Variants in FOXP4 observed in about 807,000 individuals in gnomAD.
FOXP4 encodes the protein forkhead box P4.
In FOXP4, 25 loss-of-function variants were observed where a neutral mutation model predicts 82.6. The observed-to-expected ratio is 0.30, with a 90% CI of 0.22 to 0.42. The LOEUF (loss-of-function observed/expected upper bound fraction) is 0.42. Ranked by LOEUF, FOXP4 falls within the 10% of genes least tolerant of loss-of-function variation. The probability of loss-of-function intolerance (pLI) is 1.00; values close to 1 mark genes in which losing one functional copy is unlikely to be tolerated. For missense variants in FOXP4, 785 were observed against 900.9 expected (o/e 0.87, Z 1.65); for synonymous variants, 415 against 388.2 (o/e 1.07, Z -0.81).
At chr6:41,583,569 G>A (rs778578246) in intron 3 of FOXP4, among the ~76,000 whole-genome samples, 52 of 152,340 alleles carry the variant, frequency 3.4e-4, no homozygotes, top group Admixed American at 1.8e-3. Flanking sequence ...TCAGCTCAGG[G>A]GGGCTAACAC....
intron 3 of FOXP4, among the ~76,000 whole-genome samples, chr6:41,584,227 A>C (rs1159694411): frequency 6.6e-6 from 1 of 152,186 alleles, no homozygotes; most frequent in African/African-American, 2.4e-5. Flanking sequence ...AGAGGAGACA[A>C]AGTGCAGGTC....
chr6:41,588,177 C>CG (rs1309067602), intron 8 of FOXP4, among the ~76,000 whole-genome samples: 1 of 152,232 alleles, frequency 6.6e-6, no homozygotes, highest in Non-Finnish European at 1.5e-5. Context: ...CTCCTCCCCC[C>CG]ACCCTCCCCT....
rs1766617300 is a variant in FOXP4 at position 41,593,231 on chromosome 6, T to C, written c.1537-1639T>C. On this transcript the variant is annotated intron_variant, in intron 13 of 16. Coordinates refer to ENST00000307972, the MANE Select transcript of FOXP4 (RefSeq NM_001012426.2). The surrounding 1 kb of genome is among the most constrained non-coding windows in gnomAD (Gnocchi z 4.1). ...TCATCTCTGCTCCTCTCCCGAATTA[T>C]TTGTGCTTTCTTCTTTCCCTTCTTC... Among the ~76,000 whole-genome samples, 1 of 152,204 alleles carries C rather than the reference T, an allele frequency of 6.6e-6. No homozygotes were observed. Among genetic ancestry groups the C allele is most frequent in the Non-Finnish European group, 1.5e-5 (1 of 68,036 alleles).
chr6:41,552,039 G>A (rs1202637872), intron 1 of FOXP4, among the ~76,000 whole-genome samples: 1 of 152,218 alleles, frequency 6.6e-6, no homozygotes, highest in African/African-American at 2.4e-5. Context: ...CACCCAGAGA[G>A]CCCTTAGGAG....
rs188736504 is a variant in FOXP4, at chr6:41,571,908, T to G, written c.204+5944T>G. On this transcript the variant is annotated intron_variant, in intron 2 of 16. Coordinates refer to ENST00000307972, the MANE Select transcript of FOXP4 (RefSeq NM_001012426.2). ...CCCCTTTCTTCCACCCTCTGGTCCC[T>G]GAGGAGTTGCATTTTGAGGGGTAGA... Among the ~76,000 whole-genome samples the G allele has an allele frequency of 1.2e-3, 180 of 152,252 alleles. 1 individual carries two copies. Among genetic ancestry groups the G allele is most frequent in the African/African-American group, 4.3e-3 (179 of 41,540 alleles).
At chr6:41,596,818 C>CCAAA (rs1459103256) in intron 14 of FOXP4, among the ~76,000 whole-genome samples, 1 of 151,950 alleles carries the variant, frequency 6.6e-6, no homozygotes, top group Non-Finnish European at 1.5e-5. Flanking sequence ...TTAGACCTTG[C>CCAAA]CAAACATTGG....
chr6:41,576,901 G>GCTTCCA (rs1765518954), intron 2 of FOXP4, among the ~76,000 whole-genome samples: 1 of 152,094 alleles, frequency 6.6e-6, no homozygotes, highest in Non-Finnish European at 1.5e-5. Flanking sequence ...CTCCCAAGGG[G>GCTTCCA]GTCTTGAGCA....
chr6:41,546,419 G>C lies in FOXP4; in HGVS notation c.-465G>C, dbSNP rs1006320798. Reference sequence around the variant, plus strand: ...GCTCAGTCGCAGCCCCTCGGAGTCCGGAGCCCGCCGTCCCTGCGGACCGGA... The same window carrying C: ...GCTCAGTCGCAGCCCCTCGGAGTCCCGAGCCCGCCGTCCCTGCGGACCGGA... On this transcript the variant is annotated 5_prime_UTR_variant, in exon 1 of 17. Transcript: ENST00000307972. 2 of 151,026 alleles carry C rather than the reference G, an allele frequency of 1.3e-5. No homozygotes were observed. The highest frequency in any genetic ancestry group is 3.0e-5 in the Non-Finnish European group (2 of 67,434). 9.4% of individuals were successfully genotyped at this position (151,026 alleles called of 1,614,324 possible). A position where few individuals can be genotyped will look rare whatever the true frequency, so the allele number is the denominator to read the frequency against.
chr6:41,564,831 C>T (rs987656433), intron 1 of FOXP4, among the ~76,000 whole-genome samples: 1 of 152,188 alleles, frequency 6.6e-6, no homozygotes, highest in Non-Finnish European at 1.5e-5. Flanking sequence ...CTTCACTGCA[C>T]ACCTCCATGA....
chr6:41,587,761 C>G (rs1238543961), intron 7 of FOXP4, 32 bp from the exon 8 acceptor site: 1 of 1,449,928 alleles, frequency 6.9e-7, no homozygotes, highest in Middle Eastern at 1.9e-4. Flanking sequence ...CTTCAGGGTC[C>G]CTGATCGGCC....
chr6:41,598,088 C>T, intron 16 of FOXP4, 138 bp downstream of exon 16: 1 of 686,356 alleles, frequency 1.5e-6, no homozygotes, highest in East Asian at 3.2e-5. Flanking sequence ...TTCTCTCTTC[C>T]TTCCCTCAGC....
intron 13 of FOXP4, 126 bp from the exon 14 acceptor site, chr6:41,594,744 C>A: frequency 7.0e-7 from 1 of 1,428,700 alleles, no homozygotes; most frequent in Non-Finnish European, 9.5e-7. Flanking sequence ...CACCCCCCTC[C>A]CCTGCTCATC....
At chr6:41,552,350 G>A (rs1454245789) in intron 1 of FOXP4, among the ~76,000 whole-genome samples, 2 of 152,118 alleles carry the variant, frequency 1.3e-5, no homozygotes, top group South Asian at 2.1e-4. Flanking sequence ...GAGAGGCTGC[G>A]GCTGTAAGCA....
At chr6:41,583,962 CTTATGTT>C (rs1281012801) in intron 3 of FOXP4, among the ~76,000 whole-genome samples, 3 of 152,194 alleles carry the variant, frequency 2.0e-5, no homozygotes, top group African/African-American at 4.8e-5. Context: ...AGCATAGTCT[CTTATGTT>C]TTATGTTTGA....
intron 2 of FOXP4, among the ~76,000 whole-genome samples, chr6:41,573,027 A>T (rs563325480): frequency 6.6e-6 from 1 of 152,134 alleles, no homozygotes; most frequent in Non-Finnish European, 1.5e-5. Context: ...ACCCTCTAAC[A>T]CTTGCAGCTC....
Position 41,599,118 on chromosome 6 carries a change from C to T in FOXP4, c.*182C>T. The stretch of plus-strand genomic sequence containing the variant: ...AAACACGTAGGGGCAGGGACGGTCC[C>T]CACCCCCAGGGACACAACCCCTGGT... On this transcript the variant is annotated 3_prime_UTR_variant, in exon 17 of 17. Coordinates refer to ENST00000307972, the MANE Select transcript of FOXP4 (RefSeq NM_001012426.2). 1 of 786,340 alleles carries T rather than the reference C, an allele frequency of 1.3e-6. No individual in the cohort carries two copies. Among genetic ancestry groups the T allele is most frequent in the South Asian group, 2.1e-5 (1 of 47,860 alleles). 48.7% of individuals were successfully genotyped at this position (786,340 alleles called of 1,614,324 possible).
chr6:41,584,925 C>T lies in FOXP4; in HGVS notation c.423+34C>T. 5 of 1,582,128 alleles carry T rather than the reference C, an allele frequency of 3.2e-6. No homozygotes were observed. The East Asian group carries it at 1.1e-4, about 36-fold the overall frequency. On this transcript the variant is annotated intron_variant, in intron 4 of 16. Coordinates refer to ENST00000307972, the MANE Select transcript of FOXP4 (RefSeq NM_001012426.2). ...GGCCCCAGGGCAGCTGGTCCCTCCT[C>T]CTCTGCCTGGCCTGGCTCCTCCCAC... is the stretch of plus-strand genomic sequence containing the variant.
At chr6:41,562,207 A>T (rs772216210) in intron 1 of FOXP4, among the ~76,000 whole-genome samples, 2 of 152,142 alleles carry the variant, frequency 1.3e-5, no homozygotes, top group Non-Finnish European at 2.9e-5. Flanking sequence ...AGTGCCTGTC[A>T]TGCAGGTTTG....
intron 2 of FOXP4, among the ~76,000 whole-genome samples, chr6:41,567,320 T>G (rs946770930): frequency 1.3e-5 from 2 of 152,152 alleles, no homozygotes; most frequent in African/African-American, 4.8e-5. Context: ...AAAATCACTT[T>G]CTCTTGCCAG....
Sources: allele counts gnomAD v4.1 joint callset (sites outside exome capture counted in the v4.1 genomes callset), GRCh38; gene constraint gnomAD v4.1.1; non-coding constraint Gnocchi (gnomAD v3.1); transcripts MANE v1.5; gene names NCBI Gene and HGNC (gene_info 2026-07-23, HGNC 2026-07-21).